Variants in DSCAM observed in about 807,000 individuals in gnomAD.
DSCAM encodes the protein DS cell adhesion molecule, also known as cell adhesion molecule DSCAM.
In DSCAM, 47 loss-of-function variants were observed where a neutral mutation model predicts 217.7. The observed-to-expected ratio is 0.22, with a 90% CI of 0.17 to 0.28. The LOEUF is 0.28. DSCAM is among the 10% of genes least tolerant of loss of function. The pLI is 1.00. For missense variants in DSCAM, 2,080 were observed against 2,618.3 expected (o/e 0.79, Z 4.49); for synonymous variants, 1,056 against 1,015.3 (o/e 1.04, Z -0.76).
chr21:40,474,544 G>T (rs902711122), intron 3 of DSCAM, among the ~76,000 whole-genome samples: 1 of 152,102 alleles, frequency 6.6e-6, no homozygotes, highest in South Asian at 2.1e-4. Flanking sequence ...CAGCAGCCGC[G>T]GGAGCTGCCG....
intron 3 of DSCAM, among the ~76,000 whole-genome samples, chr21:40,477,713 GAAT>G (rs1393361109): frequency 6.6e-6 from 1 of 152,078 alleles, no homozygotes. Flanking sequence ...AATTATTTTA[GAAT>G]ATTATCAAAA....
chr21:40,769,846 A>G (rs1398334118), intron 1 of DSCAM, among the ~76,000 whole-genome samples: 1 of 152,150 alleles, frequency 6.6e-6, no homozygotes, highest in Non-Finnish European at 1.5e-5. Context: ...GTTCAGCAAG[A>G]GTCATGTTCA....
At chr21:40,332,445 A>G (rs942251292) in intron 8 of DSCAM, among the ~76,000 whole-genome samples, 2 of 152,208 alleles carry the variant, frequency 1.3e-5, no homozygotes, top group African/African-American at 4.8e-5. Flanking sequence ...AATTAAGGTG[A>G]CACAGATGAA....
intron 3 of DSCAM, among the ~76,000 whole-genome samples, chr21:40,482,959 A>C (rs2075995267): frequency 6.6e-6 from 1 of 152,230 alleles, no homozygotes; most frequent in Admixed American, 6.5e-5. Flanking sequence ...ATTTTTATTA[A>C]GGTAGAGTTG....
At chr21:40,199,895 C>T (rs2091052170) in intron 11 of DSCAM, among the ~76,000 whole-genome samples, 1 of 151,762 alleles carries the variant, frequency 6.6e-6, no homozygotes, top group African/African-American at 2.4e-5. Context: ...ACCTATGTAA[C>T]AAACCTGCAC....
At chr21:40,578,272 T>C (rs1427484235) in intron 3 of DSCAM, among the ~76,000 whole-genome samples, 3 of 152,096 alleles carry the variant, frequency 2.0e-5, no homozygotes, top group African/African-American at 7.2e-5. Flanking sequence ...ATGTTCACTG[T>C]AGCAATAGGA....
intron 2 of DSCAM, among the ~76,000 whole-genome samples, chr21:40,707,335 A>G (rs968319950): frequency 1.3e-5 from 2 of 152,200 alleles, no homozygotes; most frequent in African/African-American, 4.8e-5. Flanking sequence ...TGACACATCA[A>G]ATTTTCATAT....
intron 3 of DSCAM, among the ~76,000 whole-genome samples, chr21:40,624,911 A>G (rs371987641): frequency 9.5e-4 from 145 of 152,314 alleles, no homozygotes; most frequent in African/African-American, 3.4e-3. Context: ...CAGTTATTTT[A>G]TAACATAAAG....
chr21:40,489,388 C>T (rs2076055990), intron 3 of DSCAM, among the ~76,000 whole-genome samples: 3 of 152,204 alleles, frequency 2.0e-5, no homozygotes, highest in Admixed American at 2.0e-4. Flanking sequence ...TTGCTCTTCT[C>T]AAGGTCTCCA....
At chr21:40,656,584 G>A (rs73218246) in intron 3 of DSCAM, among the ~76,000 whole-genome samples, 35,159 of 151,918 alleles carry the variant, frequency 0.23, 4,332 homozygotes, top group Non-Finnish European at 0.28. Context: ...AAAAGAGCAA[G>A]ATGGATCATT....
chr21:40,078,635 G>A, intron 26 of DSCAM, 52 bp downstream of exon 26: 10 of 1,579,830 alleles, frequency 6.3e-6, no homozygotes, highest in South Asian at 3.5e-5. Flanking sequence ...CAGGGCCCAC[G>A]TGCACATCCC....
Position 40,266,663 on chromosome 21 carries a change from AT to A in DSCAM, c.2356+9433del, listed in dbSNP as rs1569031989. 7.9e-5 allele frequency among the ~76,000 whole-genome samples: 10 copies of A among 126,920 alleles called. No individual in the cohort carries two copies. The East Asian group carries it at 1.3e-3, about 16-fold the overall frequency. 83.3% of individuals were successfully genotyped at this position (126,920 alleles called of 152,430 possible). A position where few individuals can be genotyped will look rare whatever the true frequency, so the allele number is the denominator to read the frequency against. ...TATATATATATATATATATATATATATATATATAATCTTGAAATTTTATATA... is the reference window on the plus strand; with the variant it reads ...TATATATATATATATATATATATATAATATATAATCTTGAAATTTTATATA... On this transcript the variant is annotated intron_variant, in intron 11 of 32. Coordinates refer to ENST00000400454, the MANE Select transcript of DSCAM (RefSeq NM_001389.5).
At chr21:40,027,217 T>C (rs2088408737) in intron 32 of DSCAM, among the ~76,000 whole-genome samples, 1 of 152,300 alleles carries the variant, frequency 6.6e-6, no homozygotes, top group African/African-American at 2.4e-5. Flanking sequence ...CACTCTCTTC[T>C]GGCTTGTAGG....
chr21:40,296,424 C>T (rs887210900), intron 9 of DSCAM, among the ~76,000 whole-genome samples: 2 of 152,078 alleles, frequency 1.3e-5, no homozygotes, highest in Admixed American at 6.6e-5. Flanking sequence ...GAAAACTGGC[C>T]TCGAGGGAGG....
intron 16 of DSCAM, among the ~76,000 whole-genome samples, chr21:40,157,876 T>C (rs1460413500): frequency 6.6e-6 from 1 of 151,920 alleles, no homozygotes; most frequent in African/African-American, 2.4e-5. Flanking sequence ...TTTCTTTTGA[T>C]AGAGATGAGG....
intron 27 of DSCAM, among the ~76,000 whole-genome samples, chr21:40,067,390 T>C (rs979489609): frequency 6.6e-6 from 1 of 152,210 alleles, no homozygotes; most frequent in Non-Finnish European, 1.5e-5. Flanking sequence ...GGGTTATGTC[T>C]GGAAAAATTT....
At chr21:40,639,197 G>A (rs1452522023) in intron 3 of DSCAM, among the ~76,000 whole-genome samples, 1 of 152,060 alleles carries the variant, frequency 6.6e-6, no homozygotes, top group Non-Finnish European at 1.5e-5. Context: ...GGATCCACAG[G>A]GGAGTAACGC....
intron 3 of DSCAM, among the ~76,000 whole-genome samples, chr21:40,576,421 T>C (rs1051547291): frequency 2.0e-5 from 3 of 152,218 alleles, no homozygotes; most frequent in Admixed American, 2.0e-4. Flanking sequence ...CTGATAATTA[T>C]GGGAGCAAGG....
At chr21:40,314,142 T>A (rs1204975824) in intron 8 of DSCAM, among the ~76,000 whole-genome samples, 1 of 152,208 alleles carries the variant, frequency 6.6e-6, no homozygotes, top group Non-Finnish European at 1.5e-5. Flanking sequence ...CTTCCATATA[T>A]AGCCATAGGC....
Sources: allele counts gnomAD v4.1 joint callset (sites outside exome capture counted in the v4.1 genomes callset), GRCh38; gene constraint gnomAD v4.1.1; transcripts MANE v1.5; gene names NCBI Gene and HGNC (gene_info 2026-07-23, HGNC 2026-07-21).